The following BCAS3 variants were observed in gnomAD, a reference collection of about 807,000 sequenced individuals.
BCAS3 encodes the protein BCAS4/BCAS3 fusion.
A neutral mutation model predicts 116.1 loss-of-function variants in BCAS3; 53 were observed. The ratio of observed to expected loss-of-function variants is 0.46; its 90% CI spans 0.37 to 0.57. BCAS3 has a LOEUF of 0.57. BCAS3 is among the 20% of genes least tolerant of loss of function. The pLI, the probability that BCAS3 is intolerant of heterozygous loss-of-function variation, is 0.00. For missense variants in BCAS3, 917 were observed against 1,165.4 expected, an observed-to-expected ratio of 0.79 and a Z score of 3.10; for synonymous variants, 391 against 408.2, an observed-to-expected ratio of 0.96 and a Z score of 0.51.
chr17:61,092,844 T>C (rs887753770), intron 22 of BCAS3, among the ~76,000 whole-genome samples: 26 of 152,044 alleles, frequency 1.7e-4, no homozygotes, highest in Non-Finnish European at 2.9e-4. Flanking sequence ...AATCTAATTT[T>C]TTCATTGTTT....
intron 5 of BCAS3, among the ~76,000 whole-genome samples, chr17:60,715,876 T>G (rs1164862567): frequency 6.6e-6 from 1 of 151,538 alleles, no homozygotes; most frequent in Non-Finnish European, 1.5e-5. Context: ...TTATTTTATT[T>G]TTTTGAGATG....
chr17:60,869,446 T>C (rs2054910092), intron 8 of BCAS3, among the ~76,000 whole-genome samples: 1 of 152,160 alleles, frequency 6.6e-6, no homozygotes, highest in African/African-American at 2.4e-5. Context: ...GAAAATAAAT[T>C]GTTTTCTGCC....
At chr17:61,375,594 G>A (rs2059299551) in intron 23 of BCAS3, among the ~76,000 whole-genome samples, 1 of 148,100 alleles carries the variant, frequency 6.8e-6, no homozygotes, top group African/African-American at 2.5e-5. Flanking sequence ...TTTTGAGATG[G>A]AGTCTCACTC....
At chr17:61,386,436 C>G (rs552004398) in intron 23 of BCAS3, among the ~76,000 whole-genome samples, 3 of 152,330 alleles carry the variant, frequency 2.0e-5, no homozygotes, top group Admixed American at 2.0e-4. Flanking sequence ...CACCAGTCAG[C>G]GTGGGTGGAG....
At chr17:60,938,581 A>C (rs1241774856) in intron 13 of BCAS3, among the ~76,000 whole-genome samples, 1 of 152,222 alleles carries the variant, frequency 6.6e-6, no homozygotes, top group African/African-American at 2.4e-5. Flanking sequence ...TATATCCTTA[A>C]ACTTGGGATA....
chr17:61,260,212 C>G (rs1227828068), intron 22 of BCAS3, among the ~76,000 whole-genome samples: 1 of 152,122 alleles, frequency 6.6e-6, no homozygotes, highest in African/African-American at 2.4e-5. Context: ...ACTAACTTAC[C>G]AGAAATTCCC....
chr17:60,766,836 G>A (rs1440666542), intron 6 of BCAS3, among the ~76,000 whole-genome samples: 1 of 152,224 alleles, frequency 6.6e-6, no homozygotes, highest in Non-Finnish European at 1.5e-5. Context: ...GCCCTGTTGA[G>A]CTGCGGTGGG....
rs2081843261 is a variant in BCAS3, at chr17:61,217,095, C to T, written c.2425+132531C>T. Among the ~76,000 whole-genome samples the T allele has an allele frequency of 6.6e-6, 1 of 151,428 alleles. No individual in the cohort carries two copies. The highest frequency in any genetic ancestry group is 2.1e-4 in the South Asian group (1 of 4,792). On this transcript the variant is annotated intron_variant, in intron 22 of 23. Coordinates refer to ENST00000407086, the MANE Select transcript of BCAS3 (RefSeq NM_017679.5). This position sits in a 1 kb window ranked among gnomAD's most constrained non-coding sequence, Gnocchi z 5.2. ...AGGAGATCGAGACCATCCTGGCTAA[C>T]ACGGTGAAACCCCGTCTCTACTAAA...
intron 22 of BCAS3, among the ~76,000 whole-genome samples, chr17:61,260,764 C>T (rs2049134838): frequency 6.6e-6 from 1 of 152,200 alleles, no homozygotes; most frequent in African/African-American, 2.4e-5. Context: ...GAGTGTCTGG[C>T]AATTTTGCCG....
intron 6 of BCAS3, among the ~76,000 whole-genome samples, chr17:60,762,750 C>T (rs1214889769): frequency 1.3e-5 from 2 of 152,100 alleles, no homozygotes; most frequent in Admixed American, 1.3e-4. Flanking sequence ...TCATTGGTAG[C>T]TTGATGGGGA....
rs1251328565 is a variant in BCAS3 at position 61,151,689 on chromosome 17, C to T, written c.2425+67125C>T. Among the ~76,000 whole-genome samples, 1 of 152,130 alleles carries T rather than the reference C, an allele frequency of 6.6e-6. No individual in the cohort carries two copies. The highest frequency in any genetic ancestry group is 1.5e-5 in the Non-Finnish European group (1 of 68,014). On this transcript the variant is annotated intron_variant, in intron 22 of 23. Coordinates refer to ENST00000407086, the MANE Select transcript of BCAS3 (RefSeq NM_017679.5). The surrounding 1 kb of genome is among the most constrained non-coding windows in gnomAD (Gnocchi z 4.8). ...CCCAGACTGGTCTTGAATTCCTGGG[C>T]TCAAGTGAGCCTCCTGCCTTGGCCC...
intron 6 of BCAS3, among the ~76,000 whole-genome samples, chr17:60,759,667 A>G (rs976762512): frequency 8.6e-6 from 1 of 116,466 alleles, no homozygotes; most frequent in Non-Finnish European, 1.8e-5. Flanking sequence ...GTTTTGTTTC[A>G]TTTTGTTTAT....
intron 10 of BCAS3, among the ~76,000 whole-genome samples, chr17:60,894,046 CATTTTATTTT>C (rs199890655): frequency 6.6e-6 from 1 of 152,034 alleles, no homozygotes; most frequent in African/African-American, 2.4e-5. Flanking sequence ...TGCCCCACCC[CATTTTATTTT>C]ATTTTATTTT....
In BCAS3 at chr17:60,761,279, T is replaced by C. The variant is rs112638524; in HGVS notation, c.403+14000T>C. Among the ~76,000 whole-genome samples the C allele has an allele frequency of 6.6e-3, 1,012 of 152,228 alleles. 5 individuals carry two copies. The highest frequency in any genetic ancestry group is 0.023 in the African/African-American group (957 of 41,530). Reference sequence around the variant, plus strand: ...GCACAAAGTGCAGGTTTGTTGCATATGTATACATGTGCCGTGTTGGTTTGC... The same window carrying C: ...GCACAAAGTGCAGGTTTGTTGCATACGTATACATGTGCCGTGTTGGTTTGC... On this transcript the variant is annotated intron_variant, in intron 6 of 23. Transcript: ENST00000407086.
At chr17:60,989,525 A>G (rs1223415121) in intron 14 of BCAS3, among the ~76,000 whole-genome samples, 1 of 148,940 alleles carries the variant, frequency 6.7e-6, no homozygotes, top group Non-Finnish European at 1.5e-5. Context: ...CATATGTTCT[A>G]TGACTGCTTT....
chr17:60,891,791 C>T, intron 10 of BCAS3: 1 of 454,118 alleles, frequency 2.2e-6, no homozygotes, highest in Non-Finnish European at 4.4e-6. Flanking sequence ...ATTTTTCAAC[C>T]CTCAGCTGCC....
At chr17:60,879,083 T>C (rs894553515) in intron 9 of BCAS3, among the ~76,000 whole-genome samples, 2 of 152,068 alleles carry the variant, frequency 1.3e-5, no homozygotes, top group Non-Finnish European at 2.9e-5. Flanking sequence ...GACTGGAGGA[T>C]AGGATACTGG....
At chr17:61,166,756 C>T (rs777682684) in intron 22 of BCAS3, among the ~76,000 whole-genome samples, 4 of 152,152 alleles carry the variant, frequency 2.6e-5, no homozygotes, top group Non-Finnish European at 4.4e-5. Flanking sequence ...CTCCGTCGCA[C>T]AGGCTGGAGT....
chr17:61,075,099 A>T (rs1230557860), intron 20 of BCAS3, 79 bp downstream of exon 20: 7 of 1,127,942 alleles, frequency 6.2e-6, no homozygotes, highest in Non-Finnish European at 9.1e-6. Flanking sequence ...CTTAGAGGTA[A>T]AAGGGGAGAA....
Sources: gnomAD v4.1 joint callset for allele counts (sites outside exome capture counted in the v4.1 genomes callset) on GRCh38, gnomAD v4.1.1 for gene constraint, Gnocchi (gnomAD v3.1) non-coding constraint, MANE v1.5 for transcripts, NCBI Gene and HGNC (gene_info 2026-07-23, HGNC 2026-07-21) for gene names.